Variants in PPP2R2D observed in about 807,000 individuals in gnomAD.
PPP2R2D encodes protein phosphatase 2 regulatory subunit Bdelta, also known as serine/threonine-protein phosphatase 2A 55 kDa regulatory subunit B delta isoform.
PPP2R2D carries 9 observed loss-of-function variants against 31.1 expected under a neutral mutation model. That is an observed-to-expected ratio of 0.29 (90% CI 0.17 to 0.51). The LOEUF (loss-of-function observed/expected upper bound fraction) is 0.51, where lower values mean the gene tolerates loss of function less well. Ranked by LOEUF, PPP2R2D falls within the 20% of genes least tolerant of loss-of-function variation. The pLI, the probability that PPP2R2D is intolerant of heterozygous loss-of-function variation, is 0.98. For missense variants in PPP2R2D, 391 were observed against 465.6 expected, an observed-to-expected ratio of 0.84 and a Z score of 1.48; for synonymous variants, 179 against 172.6, an observed-to-expected ratio of 1.04 and a Z score of -0.29.
chr10:131,930,884 A>C (rs1007284166), intron 2 of PPP2R2D, among the ~76,000 whole-genome samples: 8 of 152,044 alleles, frequency 5.3e-5, no homozygotes, highest in Admixed American at 1.3e-4. Context: ...CCTTCCTGTC[A>C]TCCATGTCTT....
intron 2 of PPP2R2D, among the ~76,000 whole-genome samples, chr10:131,927,314 GC>G (rs2036125673): frequency 6.6e-6 from 1 of 152,144 alleles, no homozygotes; most frequent in African/African-American, 2.4e-5. Context: ...ACAACAGAGA[GC>G]CCCCATGGAG....
intron 2 of PPP2R2D, among the ~76,000 whole-genome samples, chr10:131,905,500 G>T (rs1378799486): frequency 5.9e-5 from 9 of 152,196 alleles, no homozygotes; most frequent in Non-Finnish European, 1.3e-4. Flanking sequence ...AGCTCCTCAA[G>T]CTTGAAGGCT....
chr10:131,932,662 AAAAAAACACAC>A (rs2036260961), intron 2 of PPP2R2D, among the ~76,000 whole-genome samples: 3 of 149,344 alleles, frequency 2.0e-5, no homozygotes, highest in African/African-American at 7.5e-5. Context: ...AAAAAAAAAA[AAAAAAACACAC>A]AAAAAAAACC....
chr10:131,946,105 A>G lies in PPP2R2D; in HGVS notation c.820+646A>G, dbSNP rs191226383. On this transcript the variant is annotated intron_variant, in intron 7 of 8. Coordinates refer to ENST00000455566, the MANE Select transcript of PPP2R2D (RefSeq NM_018461.5). ...TGAGACCTGGGCTGAGGCCGCCAGC[A>G]CACAGGAGGCCATTCCCAGCTGTTG... Among the ~76,000 whole-genome samples the G allele has an allele frequency of 4.2e-3, 647 of 152,322 alleles. 3 individuals carry two copies. The highest frequency in any genetic ancestry group is 0.014 in the African/African-American group (588 of 41,580).
chr10:131,942,091 C>T (rs1318941846), intron 5 of PPP2R2D, among the ~76,000 whole-genome samples: 2 of 152,112 alleles, frequency 1.3e-5, no homozygotes, highest in Non-Finnish European at 2.9e-5. Context: ...ATGGGACCCC[C>T]GAGGGTGGGC....
At chr10:131,939,128 AGACCTGCTCCAGAAAACACGG>A (rs2036396218) in intron 3 of PPP2R2D, among the ~76,000 whole-genome samples, 1 of 148,496 alleles carries the variant, frequency 6.7e-6, no homozygotes, top group Non-Finnish European at 1.5e-5. Flanking sequence ...TGCATTCGGC[AGACCTGCTCCAGAAAACACGG>A]CAGGCTGCAT....
rs1554897844 is a variant in PPP2R2D, at chr10:131,945,375, A to C, written c.736A>C (p.Asn246His). ...AGCCGAGTTCCACCCGCACCAGTGCAACGTGTTCGTCTACAGCAGTAGCAA... is the reference window on the plus strand; with the variant it reads ...AGCCGAGTTCCACCCGCACCAGTGCCACGTGTTCGTCTACAGCAGTAGCAA... ...TAAEFHPHQCNVFVYSSSKGT... is the reference protein window; with the variant it reads ...TAAEFHPHQCHVFVYSSSKGT... The change falls in exon 7 of 9, where the codon AAC becomes CAC. Residue 246 changes from asparagine (N) to histidine (H), a missense_variant. Coordinates refer to ENST00000455566, the MANE Select transcript of PPP2R2D (RefSeq NM_018461.5). This position sits in a 1 kb window ranked among gnomAD's most constrained non-coding sequence, Gnocchi z 4.8. The C allele has an allele frequency of 1.2e-6, 2 of 1,614,194 alleles. No homozygotes were observed. The highest frequency in any genetic ancestry group is 3.3e-5 in the Admixed American group (2 of 60,028).
downstream of PPP2R2D, among the ~76,000 whole-genome samples, chr10:131,960,920 C>T (rs1476355281): frequency 3.3e-5 from 5 of 152,168 alleles, no homozygotes; most frequent in African/African-American, 9.7e-5. Flanking sequence ...TGTATGAGGG[C>T]GTGGCTCTGC....
the PPP2R2D span, chr10:131,967,596 G>GAA: frequency 6.6e-6 from 1 of 152,554 alleles, no homozygotes; most frequent in Non-Finnish European, 1.5e-5. Context: ...TTTGCTGTAG[G>GAA]AAAGATAATG....
chr10:131,954,215 A>G (rs2036749008), intron 8 of PPP2R2D, among the ~76,000 whole-genome samples: 1 of 152,250 alleles, frequency 6.6e-6, no homozygotes, highest in Non-Finnish European at 1.5e-5. Flanking sequence ...GAGAATTTAA[A>G]AGTGATCATA....
intron 2 of PPP2R2D, among the ~76,000 whole-genome samples, chr10:131,905,351 T>C (rs1267185546): frequency 6.6e-6 from 1 of 152,226 alleles, no homozygotes; most frequent in Non-Finnish European, 1.5e-5. Flanking sequence ...TTAACTGTTG[T>C]GCAGATTTTT....
At chr10:131,965,482 C>T in the PPP2R2D span, among the ~76,000 whole-genome samples, 1 of 152,200 alleles carries the variant, frequency 6.6e-6, no homozygotes, top group Admixed American at 6.5e-5. Context: ...CAGAGTCTCG[C>T]TCTGTCGCCC....
intron 3 of PPP2R2D, among the ~76,000 whole-genome samples, chr10:131,938,606 T>C (rs1019527124): frequency 6.6e-6 from 1 of 152,230 alleles, no homozygotes; most frequent in Non-Finnish European, 1.5e-5. Context: ...GAAGATGGCA[T>C]ATGTCTTCCC....
chr10:131,932,307 G>A (rs1478173529), intron 2 of PPP2R2D, among the ~76,000 whole-genome samples: 1 of 152,140 alleles, frequency 6.6e-6, no homozygotes, highest in African/African-American at 2.4e-5. Context: ...AGGCTGTACC[G>A]TGGGCAGAAG....
At chr10:131,930,035 C>T (rs1440732933) in intron 2 of PPP2R2D, among the ~76,000 whole-genome samples, 2 of 152,206 alleles carry the variant, frequency 1.3e-5, no homozygotes, top group African/African-American at 4.8e-5. Flanking sequence ...CCACGTGTAT[C>T]CCCACTCCCC....
intron 2 of PPP2R2D, among the ~76,000 whole-genome samples, chr10:131,909,831 A>G (rs2035654609): frequency 6.6e-6 from 1 of 152,352 alleles, no homozygotes; most frequent in South Asian, 2.1e-4. Flanking sequence ...ACAACTTACA[A>G]TATTTATTTT....
the PPP2R2D span, chr10:131,970,335 C>T: frequency 6.9e-6 from 3 of 436,850 alleles, no homozygotes; most frequent in South Asian, 7.8e-5. The surrounding 1 kb of genome is among the most constrained non-coding windows in gnomAD (Gnocchi z 4.1). Flanking sequence ...ACTGCTTTCA[C>T]CTACACACAG....
intron 2 of PPP2R2D, among the ~76,000 whole-genome samples, chr10:131,931,996 C>T (rs1207406129): frequency 2.1e-5 from 3 of 145,880 alleles, no homozygotes; most frequent in African/African-American, 7.6e-5. Flanking sequence ...GCTGCCCCCA[C>T]GTTTGTTAAA....
Position 131,956,343 on chromosome 10 carries a change from C to T in PPP2R2D, c.*380C>T, listed in dbSNP as rs1299835311. 9 of 989,932 alleles carry T rather than the reference C, an allele frequency of 9.1e-6. No individual in the cohort carries two copies. The highest frequency in any genetic ancestry group is 6.1e-5 in the Admixed American group (1 of 16,402). The allele number at this position is 989,932 out of a possible 1,614,324, so 61.3% of individuals were successfully genotyped here. A position where few individuals can be genotyped will look rare whatever the true frequency, so the allele number is the denominator to read the frequency against. ...TTCTCCAACTTTCCCTCTTTCTCTG[C>T]CATCACACTTGGGCCTTCACTGCAG... On this transcript the variant is annotated 3_prime_UTR_variant, in exon 9 of 9. Coordinates refer to ENST00000455566, the MANE Select transcript of PPP2R2D (RefSeq NM_018461.5).
Sources: gnomAD v4.1 joint callset for allele counts (sites outside exome capture counted in the v4.1 genomes callset) on GRCh38, gnomAD v4.1.1 for gene constraint, Gnocchi (gnomAD v3.1) non-coding constraint, MANE v1.5 for transcripts, NCBI Gene and HGNC (gene_info 2026-07-23, HGNC 2026-07-21) for gene names.